The following SPOP variants were observed in gnomAD, a reference collection of about 807,000 sequenced individuals.
SPOP encodes speckle type BTB/POZ protein.
Under a neutral mutation model 45.6 loss-of-function variants are expected in SPOP, and 11 were observed. The observed-to-expected ratio is 0.24, with a 90% CI of 0.15 to 0.40. The LOEUF is 0.40. Ranked by LOEUF, SPOP falls within the 10% of genes least tolerant of loss-of-function variation. SPOP has a pLI of 1.00. For missense variants in SPOP, 152 were observed against 465.6 expected, an observed-to-expected ratio of 0.33 and a Z score of 6.20; for synonymous variants, 166 against 166.3, an observed-to-expected ratio of 1.00 and a Z score of 0.01.
At chr17:49,659,760 C>T (rs576256220) in intron 1 of SPOP, among the ~76,000 whole-genome samples, 1 of 152,270 alleles carries the variant, frequency 6.6e-6, no homozygotes, top group Non-Finnish European at 1.5e-5. Flanking sequence ...TTATACTTAG[C>T]CTCATTCGCA....
intron 6 of SPOP, 116 bp from the exon 7 acceptor site, chr17:49,608,045 T>C: frequency 1.4e-6 from 1 of 734,628 alleles, no homozygotes; most frequent in Non-Finnish European, 2.1e-6. Flanking sequence ...AGGAAAGGTC[T>C]CTACCTCAAT....
intron 5 of SPOP, among the ~76,000 whole-genome samples, chr17:49,615,381 T>C (rs745671820): frequency 1.1e-4 from 17 of 152,332 alleles, no homozygotes; most frequent in Non-Finnish European, 1.8e-4. Flanking sequence ...TCAATATAAA[T>C]AATTGGAGAA....
chr17:49,606,562 C>G (rs1018265008), intron 8 of SPOP, among the ~76,000 whole-genome samples: 5 of 139,180 alleles, frequency 3.6e-5, no homozygotes, highest in Admixed American at 7.8e-5. Context: ...GGCACGATCT[C>G]AGCTCACTGC....
At chr17:49,611,140 G>A (rs567235247) in intron 6 of SPOP, 140 bp downstream of exon 6, 215 of 922,538 alleles carry the variant, frequency 2.3e-4, no homozygotes, top group Non-Finnish European at 2.0e-4. Context: ...CATTGTTACC[G>A]GAATACAAAG....
rs113416553 is a variant in SPOP at position 49,607,129 on chromosome 17, C to T, written c.837+121G>A. The T allele has an allele frequency of 2.3e-5, 28 of 1,231,606 alleles. 1 individual carries two copies. The highest frequency in any genetic ancestry group is 1.4e-4 in the African/African-American group (9 of 66,414). 76.3% of individuals were successfully genotyped at this position (1,231,606 alleles called of 1,614,324 possible). A position where few individuals can be genotyped will look rare whatever the true frequency, so the allele number is the denominator to read the frequency against. On this transcript the variant is annotated intron_variant, in intron 8 of 9. Coordinates refer to ENST00000504102, the MANE Select transcript of SPOP (RefSeq NM_001007228.2). ...TGGAATAATATGTGTAAACCAGGACCGTCTTGGCCAAACCAAGATATATGC... is the reference window on the plus strand; with the variant it reads ...TGGAATAATATGTGTAAACCAGGACTGTCTTGGCCAAACCAAGATATATGC...
At chr17:49,635,825 G>A (rs1041750198) in intron 1 of SPOP, among the ~76,000 whole-genome samples, 2 of 151,544 alleles carry the variant, frequency 1.3e-5, no homozygotes. Context: ...GTAGAGATGG[G>A]GTTTCTCCAT....
At chr17:49,656,144 T>C (rs751870100) in intron 1 of SPOP, among the ~76,000 whole-genome samples, 12 of 152,142 alleles carry the variant, frequency 7.9e-5, no homozygotes, top group Admixed American at 1.3e-4. Flanking sequence ...ATAATCTCTG[T>C]GCCAGAAAGA....
intron 1 of SPOP, among the ~76,000 whole-genome samples, chr17:49,664,977 T>C (rs569339109): frequency 2.0e-5 from 3 of 152,318 alleles, no homozygotes; most frequent in African/African-American, 7.2e-5. Context: ...TTTTCAACCC[T>C]GCATGTGGCA....
intron 8 of SPOP, among the ~76,000 whole-genome samples, chr17:49,605,828 A>T (rs2071831471): frequency 6.6e-6 from 1 of 151,760 alleles, no homozygotes; most frequent in African/African-American, 2.4e-5. Context: ...TCTCTACTTA[A>T]AATACAAAAA....
intron 8 of SPOP, among the ~76,000 whole-genome samples, chr17:49,606,366 G>A (rs2071845322): frequency 6.6e-6 from 1 of 151,924 alleles, no homozygotes; most frequent in African/African-American, 2.4e-5. Flanking sequence ...ATGTTGCCCA[G>A]GCTGGCCTTG....
At chr17:49,641,263 C>CCAAAA (rs1471499104) in intron 1 of SPOP, among the ~76,000 whole-genome samples, 1 of 47,548 alleles carries the variant, frequency 2.1e-5, no homozygotes, top group African/African-American at 7.8e-5. Context: ...ACTCTGTCTC[C>CCAAAA]AAAAAAAAAA....
At chr17:49,624,511 C>T (rs2072290219) in intron 1 of SPOP, among the ~76,000 whole-genome samples, 1 of 152,146 alleles carries the variant, frequency 6.6e-6, no homozygotes, top group Admixed American at 6.5e-5. Flanking sequence ...CTTTGTAACC[C>T]AGGCTGCAGC....
intron 6 of SPOP, among the ~76,000 whole-genome samples, chr17:49,609,761 G>A (rs77954128): frequency 0.1 from 15,371 of 151,906 alleles, 962 homozygotes; most frequent in East Asian, 0.2. Flanking sequence ...CTCAGTTCTG[G>A]GGAAAAGAGA....
chr17:49,655,308 G>A (rs1374388802), intron 1 of SPOP, among the ~76,000 whole-genome samples: 5 of 152,094 alleles, frequency 3.3e-5, no homozygotes, highest in Non-Finnish European at 7.3e-5. Flanking sequence ...TCAGGAGATC[G>A]AGACCATCCT....
chr17:49,628,451 T>A (rs536404523), intron 1 of SPOP, among the ~76,000 whole-genome samples: 2 of 152,282 alleles, frequency 1.3e-5, no homozygotes, highest in African/African-American at 4.8e-5. Flanking sequence ...CATGAAGTCA[T>A]TAACCAGTTT....
Position 49,669,282 on chromosome 17 carries a change from G to C in SPOP, c.-67+8651C>G, listed in dbSNP as rs1192886747. 4.8e-5 allele frequency among the ~76,000 whole-genome samples: 7 copies of C among 144,488 alleles called. No homozygotes were observed. In the South Asian group the frequency reaches 1.5e-3, roughly 32 times the overall value. 94.8% of individuals were successfully genotyped at this position (144,488 alleles called of 152,430 possible). A position where few individuals can be genotyped will look rare whatever the true frequency, so the allele number is the denominator to read the frequency against. ...GGGTTTCACTATGTTGGCCAGGCTG[G>C]TCTTGAACTCCCGACCTCAGGTGAT... On this transcript the variant is annotated intron_variant, in intron 1 of 9. Coordinates refer to ENST00000504102, the MANE Select transcript of SPOP (RefSeq NM_001007228.2).
chr17:49,656,919 C>T (rs1192920208), intron 1 of SPOP, among the ~76,000 whole-genome samples: 1 of 152,086 alleles, frequency 6.6e-6, no homozygotes, highest in Admixed American at 6.5e-5. Flanking sequence ...CAGTGGCTCA[C>T]GCCTGTAATC....
At chr17:49,606,495 CTTTTT>C (rs71146920) in intron 8 of SPOP, among the ~76,000 whole-genome samples, 4 of 69,334 alleles carry the variant, frequency 5.8e-5, no homozygotes, top group Non-Finnish European at 8.2e-5. Flanking sequence ...TTTCTTTTTT[CTTTTT>C]TTTTTTTTTT....
At chr17:49,655,452 A>G (rs1287781674) in intron 1 of SPOP, among the ~76,000 whole-genome samples, 1 of 151,980 alleles carries the variant, frequency 6.6e-6, no homozygotes, top group Non-Finnish European at 1.5e-5. Context: ...CGGAGCTTGC[A>G]GTGGGCCGAG....
Sources: allele counts gnomAD v4.1 joint callset (sites outside exome capture counted in the v4.1 genomes callset), GRCh38; gene constraint gnomAD v4.1.1; transcripts MANE v1.5; gene names NCBI Gene and HGNC (gene_info 2026-07-23, HGNC 2026-07-21).